The following ERICH6 variants were observed in gnomAD, a reference collection of about 807,000 sequenced individuals.
The protein encoded by ERICH6 is glutamate rich 6.
Under a neutral mutation model 71.0 loss-of-function variants are expected in ERICH6, and 71 were observed. The ratio of observed to expected loss-of-function variants is 1.00; its 90% CI spans 0.83 to 1.22. The LOEUF is 1.22. ERICH6 is among the 50% of genes most tolerant of loss of function. The pLI, the probability that ERICH6 is intolerant of heterozygous loss-of-function variation, is 0.00. For synonymous variants in ERICH6, 262 were observed against 278.4 expected (o/e 0.94, Z 0.59); for missense variants, 808 against 797.2 (o/e 1.01, Z -0.16).
At chr3:150,671,638 A>G (rs914095271) in intron 11 of ERICH6, among the ~76,000 whole-genome samples, 1 of 151,958 alleles carries the variant, frequency 6.6e-6, no homozygotes, top group Non-Finnish European at 1.5e-5. Context: ...TATTTATTTA[A>G]TTTTTTGAGA....
intron 3 of ERICH6, among the ~76,000 whole-genome samples, chr3:150,693,820 C>A (rs1712544571): frequency 6.6e-6 from 1 of 152,136 alleles, no homozygotes; most frequent in Non-Finnish European, 1.5e-5. Context: ...ACAGTTTGGA[C>A]TGAATTCTAA....
At chr3:150,689,197 CT>C (rs1426078913) in intron 3 of ERICH6, among the ~76,000 whole-genome samples, 1 of 151,414 alleles carries the variant, frequency 6.6e-6, no homozygotes, top group African/African-American at 2.4e-5. Flanking sequence ...TACAACTTCT[CT>C]TTTTTTGAAG....
chr3:150,660,333 C>T (rs1727171627), intron 13 of ERICH6, among the ~76,000 whole-genome samples, 178 bp from the exon 14 acceptor site: 1 of 152,164 alleles, frequency 6.6e-6, no homozygotes, highest in South Asian at 2.1e-4. Context: ...AGAGCTGAAA[C>T]ACTGTGGAGA....
intron 3 of ERICH6, among the ~76,000 whole-genome samples, chr3:150,688,918 G>A (rs1386626988): frequency 6.6e-6 from 1 of 152,208 alleles, no homozygotes; most frequent in Non-Finnish European, 1.5e-5. Flanking sequence ...CTGTGTCACA[G>A]GTGCGCATCC....
rs370382166 is a variant in ERICH6 at position 150,678,512 on chromosome 3, T to C, written c.1154A>G (p.Asp385Gly). 1 of 1,603,442 alleles carries C rather than the reference T, an allele frequency of 6.2e-7. No homozygotes were observed. The highest frequency in any genetic ancestry group is 8.5e-7 in the Non-Finnish European group (1 of 1,177,342). The change falls in exon 10 of 14, where the codon GAT (aspartate) becomes GGT (glycine). Residue 385 changes from aspartate to glycine, a missense_variant. Transcript: ENST00000295910. ...LKTISYQLSV[D>G]IPEKQIIDDI... ...ATCAATTATCTGTTTTTCTGGAATATCCACAGAAAGTTGATAAGAAATTGT... is the reference window on the plus strand; with the variant it reads ...ATCAATTATCTGTTTTTCTGGAATACCCACAGAAAGTTGATAAGAAATTGT...
In ERICH6 at chr3:150,662,483, T is replaced by A. The variant is rs1017912398; in HGVS notation, c.1729-2328A>T. On this transcript the variant is annotated intron_variant, in intron 13 of 13. Transcript: ENST00000295910. ...ATTTTGTACCAATAAACTGTACAAC[T>A]TTTTTGGTTAAATATACATGGAACA... is the stretch of plus-strand genomic sequence containing the variant. Among the ~76,000 whole-genome samples the A allele has an allele frequency of 5.3e-5, 8 of 152,282 alleles. 1 individual carries two copies. In the South Asian group the frequency reaches 1.7e-3, roughly 32 times the overall value.
Position 150,686,231 on chromosome 3 carries a change from T to C in ERICH6, c.610+67A>G, listed in dbSNP as rs987769795. ...CAAAGCAGATGGGCTCTGTGCGAGT[T>C]AAGGTGATTCCCTTCTGGTAGTTTA... On this transcript the variant is annotated intron_variant, in intron 4 of 13. Transcript: ENST00000295910. 18 of 1,549,174 alleles carry C rather than the reference T, an allele frequency of 1.2e-5. No individual in the cohort carries two copies. In the African/African-American group the frequency reaches 2.4e-4, roughly 21 times the overall value.
At chr3:150,694,062 T>C (rs1465930533) in intron 3 of ERICH6, among the ~76,000 whole-genome samples, 2 of 152,302 alleles carry the variant, frequency 1.3e-5, no homozygotes, top group Middle Eastern at 3.4e-3. Flanking sequence ...ATGTGGCCTA[T>C]AGCAGTTTTC....
chr3:150,660,876 G>C (rs1482169098), intron 13 of ERICH6, among the ~76,000 whole-genome samples: 1 of 152,180 alleles, frequency 6.6e-6, no homozygotes, highest in Non-Finnish European at 1.5e-5. Flanking sequence ...TACCTGCAAA[G>C]GTGATACTTA....
At chr3:150,675,871 TTG>T (rs1328592051) in intron 10 of ERICH6, among the ~76,000 whole-genome samples, 2 of 151,570 alleles carry the variant, frequency 1.3e-5, no homozygotes, top group African/African-American at 4.8e-5. Flanking sequence ...TTTTTTTTTT[TTG>T]GTCTTTGGTT....
chr3:150,665,672 C>T (rs1168720956), intron 13 of ERICH6, among the ~76,000 whole-genome samples: 1 of 151,176 alleles, frequency 6.6e-6, no homozygotes, highest in African/African-American at 2.4e-5. Flanking sequence ...ACTAAAAATA[C>T]AAAAATTAGC....
intron 12 of ERICH6, 102 bp downstream of exon 12, chr3:150,669,194 A>G: frequency 7.7e-7 from 1 of 1,292,062 alleles, no homozygotes; most frequent in Non-Finnish European, 1.0e-6. Context: ...ACACTAACTT[A>G]AATAAATCTT....
chr3:150,673,855 A>G, intron 11 of ERICH6, 101 bp downstream of exon 11: 1 of 1,069,092 alleles, frequency 9.4e-7, no homozygotes, highest in South Asian at 1.4e-5. Context: ...TGCTGGCATT[A>G]CAGGTGTGAG....
At chr3:150,703,362 T>C in intron 1 of ERICH6, 134 bp downstream of exon 1, 1 of 1,419,446 alleles carries the variant, frequency 7.0e-7, no homozygotes, top group Non-Finnish European at 9.2e-7. Flanking sequence ...AGAGATTAGG[T>C]GTGTGGAATG....
chr3:150,687,569 G>T (rs1201691532), intron 3 of ERICH6, among the ~76,000 whole-genome samples: 1 of 152,170 alleles, frequency 6.6e-6, no homozygotes, highest in Non-Finnish European at 1.5e-5. Flanking sequence ...TCAAGACAGT[G>T]AAGTAAACCA....
chr3:150,684,083 A>G (rs747167024), intron 6 of ERICH6, among the ~76,000 whole-genome samples: 1 of 152,136 alleles, frequency 6.6e-6, no homozygotes, highest in Admixed American at 6.5e-5. Flanking sequence ...GGAAGGTGCT[A>G]CATTTAAATA....
At chr3:150,670,328 C>T (rs1711498200) in intron 11 of ERICH6, among the ~76,000 whole-genome samples, 1 of 151,516 alleles carries the variant, frequency 6.6e-6, no homozygotes, top group Admixed American at 6.6e-5. Flanking sequence ...ACTAAAATTA[C>T]AAAAATAGCC....
In ERICH6 at chr3:150,686,482, T is replaced by G. The variant is rs1712195132; in HGVS notation, c.554-128A>C. 3.8e-6 allele frequency: 3 copies of G among 785,556 alleles called. No homozygotes were observed. The East Asian group carries it at 7.9e-5, about 21-fold the overall frequency. The allele number at this position is 785,556 out of a possible 1,614,324, so 48.7% of individuals were successfully genotyped here. On this transcript the variant is annotated intron_variant, in intron 3 of 13. Transcript: ENST00000295910. Reference sequence around the variant, plus strand: ...TTCTTTTATCTTTTAATCTTTTGTCTCTTTTTCCAAATAACATTTTGCCGA... The same window carrying G: ...TTCTTTTATCTTTTAATCTTTTGTCGCTTTTTCCAAATAACATTTTGCCGA...
Position 150,680,475 on chromosome 3 carries a change from A to C in ERICH6, c.1104T>G (p.Ser368=). 2 of 1,614,164 alleles carry C rather than the reference A, an allele frequency of 1.2e-6. No homozygotes were observed. Among genetic ancestry groups the C allele is most frequent in the Non-Finnish European group, 1.7e-6 (2 of 1,179,988 alleles). The change falls in exon 9 of 14, where the codon TCT becomes TCG. Residue 368 remains serine, a synonymous_variant. Transcript: ENST00000295910. ...AIISREQTHF[S]EDDSKRLKTI... ...CAGCACTAATGAACTCACCATCTTC[A>C]GAGAAATGAGTCTGTTCCCTTGATA...
Sources: gnomAD v4.1 joint callset for allele counts (sites outside exome capture counted in the v4.1 genomes callset) on GRCh38, gnomAD v4.1.1 for gene constraint, MANE v1.5 for transcripts, NCBI Gene and HGNC (gene_info 2026-07-23, HGNC 2026-07-21) for gene names.